The following FAT3 variants were observed in gnomAD, a reference collection of about 807,000 sequenced individuals.
FAT3 encodes the protein protocadherin Fat 3.
FAT3 carries 95 observed loss-of-function variants against 310.2 expected under a neutral mutation model. That is an observed-to-expected ratio of 0.31 (90% CI 0.26 to 0.36). FAT3 has a LOEUF of 0.36. Ranked by LOEUF, FAT3 falls within the 10% of genes least tolerant of loss-of-function variation. FAT3 has a pLI of 1.00. For synonymous variants in FAT3, 2,314 were observed against 2,192.9 expected (o/e 1.06, Z -1.54); for missense variants, 5,408 against 5,715.6 (o/e 0.95, Z 1.74).
chr11:92,572,343 T>G (rs1474774974), intron 3 of FAT3, among the ~76,000 whole-genome samples: 1 of 152,204 alleles, frequency 6.6e-6, no homozygotes, highest in Non-Finnish European at 1.5e-5. Flanking sequence ...AGATCCAGCC[T>G]GAAGCCAGTC....
intron 3 of FAT3, among the ~76,000 whole-genome samples, chr11:92,562,238 C>T (rs570466725): frequency 1.3e-5 from 2 of 152,256 alleles, no homozygotes; most frequent in South Asian, 2.1e-4. Flanking sequence ...TATTCATATA[C>T]AATACCTCCT....
intron 2 of FAT3, among the ~76,000 whole-genome samples, chr11:92,486,640 A>C: frequency 6.6e-6 from 1 of 152,138 alleles, no homozygotes; most frequent in East Asian, 1.9e-4. Flanking sequence ...AGTTACTGCA[A>C]TAAATTTGGT....
intron 2 of FAT3, among the ~76,000 whole-genome samples, chr11:92,499,723 A>ATGTGTGTGTGTGTATGTGTGTGTGTGTG (rs376710960): frequency 7.4e-4 from 95 of 127,816 alleles, no homozygotes; most frequent in African/African-American, 2.4e-3. Context: ...ATGTGTGTGT[A>ATGTGTGTGTGTGTATGTGTGTGTGTGTG]TGTGTGTGTG....
Position 92,806,425 on chromosome 11 carries a change from GC to G in FAT3, c.9158del (p.Ala3053GlufsTer26). ...PSNKIILKVS[A>X]KDADIGSNGY... Reference sequence around the variant, plus strand: ...AAATAAAATCATCCTGAAAGTCAGTGCAAAGGATGCTGATATTGGATCCAAT... The same window carrying G: ...AAATAAAATCATCCTGAAAGTCAGTGAAAGGATGCTGATATTGGATCCAAT... On this transcript the variant is annotated frameshift_variant, in exon 12 of 28. Transcript: ENST00000525166. LOFTEE classifies it high-confidence loss of function. 1 of 1,589,372 alleles carries G rather than the reference GC, an allele frequency of 6.3e-7. No homozygotes were observed.
chr11:92,494,820 T>C (rs1024709103), intron 2 of FAT3, among the ~76,000 whole-genome samples: 1 of 152,034 alleles, frequency 6.6e-6, no homozygotes, highest in African/African-American at 2.4e-5. Flanking sequence ...TAAAATCTTA[T>C]ATTTCAAGGC....
chr11:92,750,634 T>TTCTC (rs10558123), intron 4 of FAT3, among the ~76,000 whole-genome samples: 60 of 149,664 alleles, frequency 4.0e-4, no homozygotes, highest in African/African-American at 1.0e-3. Flanking sequence ...GATTTGGCTG[T>TTCTC]TCTCTCTCTC....
At position 92,331,290 on chromosome 11, in the gene FAT3, T is replaced by C. The variant is rs947162718; in HGVS notation, c.-17-20806T>C. Among the ~76,000 whole-genome samples, 69 of 151,734 alleles carry C rather than the reference T, an allele frequency of 4.5e-4. 1 individual carries two copies. The highest frequency in any genetic ancestry group is 1.6e-3 in the African/African-American group (68 of 41,288). ...TATAAGGTATGTTTTATTTCTTCTTTTTTTTTTTTCAAAATGAGAGTTTCA... is the reference window on the plus strand; with the variant it reads ...TATAAGGTATGTTTTATTTCTTCTTCTTTTTTTTTCAAAATGAGAGTTTCA... On this transcript the variant is annotated intron_variant, in intron 1 of 27. Coordinates refer to ENST00000525166, the MANE Select transcript of FAT3 (RefSeq NM_001367949.2).
chr11:92,481,139 C>T (rs1048791600), intron 2 of FAT3, among the ~76,000 whole-genome samples: 3 of 152,162 alleles, frequency 2.0e-5, no homozygotes, highest in East Asian at 3.8e-4. Context: ...ATCTATGTCT[C>T]ATATGTGAGT....
At chr11:92,710,029 C>T (rs964886622) in intron 4 of FAT3, among the ~76,000 whole-genome samples, 1 of 152,292 alleles carries the variant, frequency 6.6e-6, no homozygotes, top group African/African-American at 2.4e-5. Context: ...TAGGGCTAAG[C>T]TCCAGGCTAA....
chr11:92,510,630 A>G (rs1447043002), intron 2 of FAT3, among the ~76,000 whole-genome samples: 1 of 152,210 alleles, frequency 6.6e-6, no homozygotes, highest in Non-Finnish European at 1.5e-5. Context: ...GAACCTACAG[A>G]ACATCATGGC....
rs117921887 is a variant in FAT3 at position 92,876,768 on chromosome 11, A to G, written c.12128-3963A>G. Reference sequence around the variant, plus strand: ...ATTCTTCCTTCTGTACCTGGGAGTTATCTGTAATGGGTATTCAGCAAAACA... The same window carrying G: ...ATTCTTCCTTCTGTACCTGGGAGTTGTCTGTAATGGGTATTCAGCAAAACA... On this transcript the variant is annotated intron_variant, in intron 22 of 27. Transcript: ENST00000525166. 3.2e-4 allele frequency among the ~76,000 whole-genome samples: 48 copies of G among 152,350 alleles called. 3 individuals are homozygous for G. In the East Asian group the frequency reaches 8.9e-3, roughly 28 times the overall value.
intron 3 of FAT3, among the ~76,000 whole-genome samples, chr11:92,600,979 C>G (rs1298743806): frequency 6.6e-6 from 1 of 152,066 alleles, no homozygotes; most frequent in African/African-American, 2.4e-5. Context: ...GGTCTTGAGG[C>G]TGGAGCAAAC....
At chr11:92,767,634 G>T (rs1946348361) in intron 6 of FAT3, among the ~76,000 whole-genome samples, 1 of 152,146 alleles carries the variant, frequency 6.6e-6, no homozygotes, top group South Asian at 2.1e-4. Flanking sequence ...ATGTGTGTGT[G>T]TGACTGTCTG....
At chr11:92,318,056 A>G (rs555768540) in intron 1 of FAT3, among the ~76,000 whole-genome samples, 163 of 152,136 alleles carry the variant, frequency 1.1e-3, no homozygotes, top group Non-Finnish European at 1.7e-3. Flanking sequence ...TATTTTGTAA[A>G]GTACTTCGTA....
At chr11:92,781,133 G>A (rs1946741805) in intron 7 of FAT3, among the ~76,000 whole-genome samples, 1 of 134,960 alleles carries the variant, frequency 7.4e-6, no homozygotes. Flanking sequence ...GGAGTACAGT[G>A]GCACAATCTC....
At chr11:92,655,703 C>T (rs1942554481) in intron 3 of FAT3, among the ~76,000 whole-genome samples, 1 of 152,160 alleles carries the variant, frequency 6.6e-6, no homozygotes, top group African/African-American at 2.4e-5. Context: ...GTGTGTTTGC[C>T]TTGAATATGG....
intron 3 of FAT3, among the ~76,000 whole-genome samples, chr11:92,612,914 T>G (rs532503188): frequency 6.6e-6 from 1 of 152,228 alleles, no homozygotes; most frequent in East Asian, 1.9e-4. Flanking sequence ...GGAAGATGTG[T>G]GGGAAATGGT....
chr11:92,466,379 A>G (rs190917166), intron 2 of FAT3, among the ~76,000 whole-genome samples: 140 of 152,244 alleles, frequency 9.2e-4, no homozygotes, highest in African/African-American at 3.2e-3. Context: ...CAAAGACCCA[A>G]AATTGAAGGG....
chr11:92,654,782 G>A (rs1302182118), intron 3 of FAT3, among the ~76,000 whole-genome samples: 1 of 152,092 alleles, frequency 6.6e-6, no homozygotes, highest in Non-Finnish European at 1.5e-5. Context: ...GTTCCACATA[G>A]CAGCTAAAGT....
Sources: allele counts gnomAD v4.1 joint callset (sites outside exome capture counted in the v4.1 genomes callset), GRCh38; gene constraint gnomAD v4.1.1; transcripts MANE v1.5; gene names NCBI Gene and HGNC (gene_info 2026-07-23, HGNC 2026-07-21).